The following UACA variants were observed in gnomAD, a reference collection of about 807,000 sequenced individuals.
The protein encoded by UACA is uveal autoantigen with coiled-coil domains and ankyrin repeats.
Under a neutral mutation model 160.5 loss-of-function variants are expected in UACA, and 112 were observed. The observed-to-expected ratio is 0.70, with a 90% confidence interval of 0.60 to 0.82. The LOEUF (loss-of-function observed/expected upper bound fraction) is 0.82. Ranked by LOEUF, UACA falls within the 40% of genes least tolerant of loss-of-function variation. UACA has a pLI of 0.00. For missense variants in UACA, 1,574 were observed against 1,614.6 expected (o/e 0.97, Z 0.43); for synonymous variants, 557 against 568.4 (o/e 0.98, Z 0.29).
At chr15:70,703,186 T>G (rs1352187419) in intron 1 of UACA, 1 of 1,288,994 alleles carries the variant, frequency 7.8e-7, no homozygotes, top group African/African-American at 1.5e-5. Context: ...GTGGCTGTTG[T>G]TGTTGTTTTT....
intron 1 of UACA, chr15:70,702,298 C>T: frequency 9.9e-7 from 1 of 1,012,744 alleles, no homozygotes; most frequent in Non-Finnish European, 1.2e-6. Context: ...ACAGACGCTG[C>T]AGTGCATGAT....
At chr15:70,749,463 T>A (rs1345806052) in intron 1 of UACA, among the ~76,000 whole-genome samples, 5 of 151,162 alleles carry the variant, frequency 3.3e-5, no homozygotes, top group Admixed American at 2.0e-4. Context: ...GAGGTGGAGT[T>A]TTCAATGAGC....
At chr15:70,739,980 T>A (rs952315776) in intron 1 of UACA, among the ~76,000 whole-genome samples, 2 of 152,112 alleles carry the variant, frequency 1.3e-5, no homozygotes, top group African/African-American at 4.8e-5. Context: ...AAAACTGCTG[T>A]AAAAAACAAC....
rs540899556 is a variant in UACA, at chr15:70,660,287, G to T, written c.4114-71C>A. On this transcript the variant is annotated intron_variant, in intron 17 of 18. Coordinates refer to ENST00000322954, the MANE Select transcript of UACA (RefSeq NM_018003.4). ...TTTCCAAACTTTGGACAATGCTCAG[G>T]CTTCATGCTACAAAACTATTATTAT... The T allele has an allele frequency of 2.3e-5, 30 of 1,277,808 alleles. No homozygotes were observed. In the East Asian group the frequency reaches 7.0e-4, roughly 30 times the overall value. The allele number at this position is 1,277,808 out of a possible 1,614,324, so 79.2% of individuals were successfully genotyped here.
chr15:70,665,230 T>C (rs1488075758), intron 16 of UACA, among the ~76,000 whole-genome samples: 2 of 152,172 alleles, frequency 1.3e-5, no homozygotes, highest in African/African-American at 4.8e-5. Flanking sequence ...TTAACATATG[T>C]TCCTTTTTCC....
At chr15:70,761,470 G>C (rs7178674) in intron 1 of UACA, among the ~76,000 whole-genome samples, 106,659 of 151,984 alleles carry the variant, frequency 0.7, 37,624 homozygotes, top group Admixed American at 0.78. Flanking sequence ...TGGGATTATG[G>C]TTTATAGATT....
chr15:70,710,637 C>A (rs547514644), intron 1 of UACA, among the ~76,000 whole-genome samples: 1 of 152,310 alleles, frequency 6.6e-6, no homozygotes, highest in East Asian at 1.9e-4. Flanking sequence ...TCCCATGACC[C>A]ATGATTAATT....
chr15:70,693,637 T>C (rs1898019565), intron 3 of UACA, among the ~76,000 whole-genome samples: 1 of 151,736 alleles, frequency 6.6e-6, no homozygotes, highest in African/African-American at 2.4e-5. Context: ...ATATATGAAA[T>C]AATGTCTGCT....
intron 1 of UACA, among the ~76,000 whole-genome samples, chr15:70,756,373 C>A (rs1430270643): frequency 3.3e-5 from 5 of 151,212 alleles, no homozygotes; most frequent in East Asian, 2.0e-4. Context: ...GTTGGCCAGG[C>A]TGGTCTCGAA....
chr15:70,705,894 T>A (rs1898509973), intron 1 of UACA, among the ~76,000 whole-genome samples: 1 of 152,166 alleles, frequency 6.6e-6, no homozygotes, highest in African/African-American at 2.4e-5. Context: ...TATAGTAAAC[T>A]GAGATTTCTG....
upstream of UACA, among the ~76,000 whole-genome samples, chr15:70,764,407 A>G (rs748679881): frequency 1.3e-5 from 2 of 152,228 alleles, no homozygotes; most frequent in Non-Finnish European, 1.5e-5. Flanking sequence ...ATTATTTAAG[A>G]GGATGAAGAA....
intron 18 of UACA, among the ~76,000 whole-genome samples, chr15:70,659,648 C>T (rs1296984611): frequency 1.3e-5 from 2 of 151,410 alleles, no homozygotes; most frequent in African/African-American, 2.4e-5. Context: ...CTCAGTACAC[C>T]CCTAAAAAAG....
In UACA at chr15:70,682,742, T is replaced by C; in HGVS notation, c.822+16A>G. 1 of 1,502,848 alleles carries C rather than the reference T, an allele frequency of 6.7e-7. No individual in the cohort carries two copies. The highest frequency in any genetic ancestry group is 9.0e-7 in the Non-Finnish European group (1 of 1,113,640). 93.1% of individuals were successfully genotyped at this position (1,502,848 alleles called of 1,614,324 possible). A position where few individuals can be genotyped will look rare whatever the true frequency, so the allele number is the denominator to read the frequency against. The stretch of plus-strand genomic sequence containing the variant: ...TACAATACATATAATTATTTAAAAT[T>C]AAAATTAATATCTACCTGTTGCAAA... On this transcript the variant is annotated intron_variant, in intron 9 of 18. Transcript: ENST00000322954.
At chr15:70,693,290 C>T (rs1052246485) in intron 3 of UACA, among the ~76,000 whole-genome samples, 2 of 152,052 alleles carry the variant, frequency 1.3e-5, no homozygotes, top group African/African-American at 4.8e-5. Flanking sequence ...CAAGGAAACA[C>T]CAGATCTAAA....
chr15:70,721,817 A>G (rs1899002608), intron 1 of UACA, among the ~76,000 whole-genome samples: 1 of 152,182 alleles, frequency 6.6e-6, no homozygotes, highest in Non-Finnish European at 1.5e-5. Flanking sequence ...CAAACCTGAG[A>G]TTATCTAATT....
Position 70,684,370 on chromosome 15 carries a change from T to C in UACA, c.679A>G (p.Ser227Gly). The C allele has an allele frequency of 6.2e-7, 1 of 1,613,832 alleles. No homozygotes were observed. The highest frequency in any genetic ancestry group is 8.5e-7 in the Non-Finnish European group (1 of 1,179,822). ...TCATGGCCAAGCGCATCCAGCAAGCTTATATCAGCACCATTTTTAATTAAG... is the reference window on the plus strand; with the variant it reads ...TCATGGCCAAGCGCATCCAGCAAGCCTATATCAGCACCATTTTTAATTAAG... ...EVLIKNGADI[S>G]LLDALGHDSS... The change falls in exon 8 of 19, where the codon AGC (serine) becomes GGC (glycine). Residue 227 changes from serine (S) to glycine (G), a missense_variant. Coordinates refer to ENST00000322954, the MANE Select transcript of UACA (RefSeq NM_018003.4).
intron 16 of UACA, among the ~76,000 whole-genome samples, chr15:70,666,034 C>A (rs758350763): frequency 8.5e-5 from 13 of 152,238 alleles, no homozygotes; most frequent in Middle Eastern, 3.4e-3. Flanking sequence ...ATAAACCCTG[C>A]TCATAAAAAC....
rs139791694 is a variant in UACA, at chr15:70,667,291, T to C, written c.3393A>G (p.Leu1131=). 18 of 1,611,592 alleles carry C rather than the reference T, an allele frequency of 1.1e-5. No homozygotes were observed. The Admixed American group carries it at 1.2e-4, about 11-fold the overall frequency. The part of the protein sequence containing the change: ...KKSLNGTIEN[L]KEELKSMQRC... ...TTTGCATACTCTTCAGTTCTTCCTT[T>C]AGATTTTCAATTGTGCCATTAAGAG... Residue 1131 remains leucine (L), a synonymous_variant, in exon 16 of 19, where the codon CTA becomes CTG. Coordinates refer to ENST00000322954, the MANE Select transcript of UACA (RefSeq NM_018003.4).
chr15:70,708,102 G>C (rs1212663123), intron 1 of UACA, among the ~76,000 whole-genome samples: 1 of 152,172 alleles, frequency 6.6e-6, no homozygotes, highest in Non-Finnish European at 1.5e-5. Context: ...TAAAAAGGAA[G>C]GAAATCCTGT....
Sources: gnomAD v4.1 joint callset for allele counts (sites outside exome capture counted in the v4.1 genomes callset) on GRCh38, gnomAD v4.1.1 for gene constraint, MANE v1.5 for transcripts, NCBI Gene and HGNC (gene_info 2026-07-23, HGNC 2026-07-21) for gene names.